The following RNF130 variants were observed in gnomAD, a reference collection of about 807,000 sequenced individuals.
RNF130 encodes ring finger protein 130.
In RNF130, 21 loss-of-function variants were observed where a neutral mutation model predicts 44.6. The observed-to-expected ratio is 0.47, with a 90% CI of 0.33 to 0.68. The LOEUF is 0.68. RNF130 is among the 30% of genes least tolerant of loss of function. The pLI, the probability that RNF130 is intolerant of heterozygous loss-of-function variation, is 0.02. For missense variants in RNF130, 479 were observed against 560.6 expected (o/e 0.85, Z 1.47); for synonymous variants, 214 against 210.4 (o/e 1.02, Z -0.15).
intron 8 of RNF130, 78 bp downstream of exon 8, chr5:179,963,393 C>A: frequency 1.8e-6 from 2 of 1,099,552 alleles, no homozygotes; most frequent in Non-Finnish European, 2.7e-6. Context: ...CCAGTTCTCA[C>A]CACCTTCATG....
chr5:179,933,867 T>C (rs1761847890), intron 7 of RNF130: 1 of 783,434 alleles, frequency 1.3e-6, no homozygotes, highest in Non-Finnish European at 2.1e-6. Context: ...TCATGGTCCA[T>C]GTTGCCAGCT....
intron 2 of RNF130, among the ~76,000 whole-genome samples, chr5:180,035,113 T>C (rs1034133618): frequency 2.0e-5 from 3 of 152,184 alleles, no homozygotes; most frequent in African/African-American, 7.2e-5. Context: ...TTGTTCCTCT[T>C]TTTTATAGTT....
rs185960936 is a variant in RNF130, at chr5:179,930,302, C to T, written c.1151-9876G>A. On this transcript the variant is annotated intron_variant, in intron 7 of 7. Coordinates refer to the RNF130 transcript ENST00000522208. ...CGAACTCCTGACCTCGTGATCTGCC[C>T]GCCTTGGCCTCCCAGAGTGCTAGGA... Among the ~76,000 whole-genome samples, 19 of 152,250 alleles carry T rather than the reference C, an allele frequency of 1.2e-4. No homozygotes were observed. In the East Asian group the frequency reaches 3.3e-3, roughly 26 times the overall value.
chr5:180,058,308 T>C (rs1764885952), intron 1 of RNF130, among the ~76,000 whole-genome samples: 1 of 152,198 alleles, frequency 6.6e-6, no homozygotes, highest in African/African-American at 2.4e-5. Flanking sequence ...CAGTGTATGT[T>C]ACAGCTGGTA....
chr5:179,982,484 T>C (rs569214659), intron 3 of RNF130, among the ~76,000 whole-genome samples: 1 of 152,354 alleles, frequency 6.6e-6, no homozygotes. Flanking sequence ...AAACTGGGCA[T>C]ATTATTTTAC....
At position 179,978,378 on chromosome 5, in the gene RNF130, A is replaced by T. The variant is rs551202818; in HGVS notation, c.766-93T>A. The T allele has an allele frequency of 2.0e-5, 17 of 839,516 alleles. 1 individual carries two copies. The highest frequency in any genetic ancestry group is 1.5e-4 in the African/African-American group (9 of 58,578). 52.0% of individuals were successfully genotyped at this position (839,516 alleles called of 1,614,324 possible). A position where few individuals can be genotyped will look rare whatever the true frequency, so the allele number is the denominator to read the frequency against. Reference sequence around the variant, plus strand: ...AGCTCAGAATCTTTCTGTGGCTACTATGGTAAGCAAGTGTTATAAACTGAA... The same window carrying T: ...AGCTCAGAATCTTTCTGTGGCTACTTTGGTAAGCAAGTGTTATAAACTGAA... On this transcript the variant is annotated intron_variant, in intron 4 of 8. Coordinates refer to ENST00000521389, the MANE Select transcript of RNF130 (RefSeq NM_018434.6).
At chr5:179,923,835 C>T (rs1761666887) in intron 7 of RNF130, among the ~76,000 whole-genome samples, 1 of 152,204 alleles carries the variant, frequency 6.6e-6, no homozygotes, top group Non-Finnish European at 1.5e-5. Context: ...TTTAACAACA[C>T]TAACACCATA....
In RNF130 at chr5:179,945,976, T is replaced by C. The variant is rs913766471; in HGVS notation, c.1150+20830A>G. Among the ~76,000 whole-genome samples the C allele has an allele frequency of 5.8e-4, 88 of 152,328 alleles. 1 individual carries two copies. Among genetic ancestry groups the C allele is most frequent in the Non-Finnish European group, 2.2e-4 (15 of 68,030 alleles). Reference sequence around the variant, plus strand: ...CTGCCTATCACTCCCCACGGCCGCATCTGCCCAGCTGTGAGTGACAGAAGC... The same window carrying C: ...CTGCCTATCACTCCCCACGGCCGCACCTGCCCAGCTGTGAGTGACAGAAGC... On this transcript the variant is annotated intron_variant, in intron 7 of 7. Coordinates refer to the RNF130 transcript ENST00000522208.
At chr5:179,914,718 A>G (rs531421529) in exon 8 of RNF130, 1 of 152,386 alleles carries the variant, frequency 6.6e-6, no homozygotes, top group South Asian at 2.1e-4. Context: ...GCAGGACAAG[A>G]TGGTATGTCC....
At chr5:179,918,125 G>A (rs1761579375) in exon 8 of RNF130, 1 of 152,208 alleles carries the variant, frequency 6.6e-6, no homozygotes, top group African/African-American at 2.4e-5. Flanking sequence ...TTCTGTAGCT[G>A]AGCCAGAGAG....
chr5:180,028,179 C>T (rs562038858), intron 2 of RNF130, among the ~76,000 whole-genome samples: 1 of 152,304 alleles, frequency 6.6e-6, no homozygotes, highest in Admixed American at 6.5e-5. Context: ...AACTCCGACT[C>T]GGATGCTGTT....
chr5:179,920,499 A>G, intron 7 of RNF130: 1 of 669,126 alleles, frequency 1.5e-6, no homozygotes, highest in Non-Finnish European at 2.7e-6. Flanking sequence ...AGGAGGAAAC[A>G]ATGCAGATTA....
At chr5:180,018,102 C>T (rs1443693305) in intron 2 of RNF130, among the ~76,000 whole-genome samples, 1 of 152,080 alleles carries the variant, frequency 6.6e-6, no homozygotes, top group Admixed American at 6.6e-5. Context: ...TGAGACCAGC[C>T]TAGCCAATAT....
intron 3 of RNF130, among the ~76,000 whole-genome samples, chr5:179,990,460 C>T (rs1582168372): frequency 6.6e-6 from 1 of 152,278 alleles, no homozygotes; most frequent in South Asian, 2.1e-4. Context: ...GGACCAGGGG[C>T]GTGACCGCTG....
chr5:180,017,819 G>A (rs1315363274), intron 2 of RNF130, among the ~76,000 whole-genome samples: 2 of 152,130 alleles, frequency 1.3e-5, no homozygotes, highest in Admixed American at 1.3e-4. Context: ...GGAATCGGAG[G>A]GTCTAGGTTC....
chr5:179,996,002 T>C (rs1335228977), intron 3 of RNF130, among the ~76,000 whole-genome samples: 2 of 152,236 alleles, frequency 1.3e-5, no homozygotes, highest in Non-Finnish European at 2.9e-5. Context: ...CTGTGAATAA[T>C]ATCACTGGCA....
intron 1 of RNF130, among the ~76,000 whole-genome samples, chr5:180,044,771 A>G (rs895279463): frequency 2.6e-5 from 4 of 151,998 alleles, no homozygotes; most frequent in African/African-American, 9.7e-5. Context: ...GGCGGAGGTT[A>G]CAGTGAGCCA....
exon 8 of RNF130, chr5:179,912,452 A>G (rs538542221): frequency 6.6e-6 from 1 of 152,238 alleles, no homozygotes; most frequent in Non-Finnish European, 1.5e-5. Flanking sequence ...TCTGGTCCCA[A>G]GCCCCAGTCA....
chr5:180,065,646 G>C (rs1178362791), intron 1 of RNF130, among the ~76,000 whole-genome samples: 2 of 151,962 alleles, frequency 1.3e-5, no homozygotes, highest in African/African-American at 2.4e-5. Context: ...TGTAATCCCA[G>C]CTACTCAGGA....
Sources: allele counts gnomAD v4.1 joint callset (sites outside exome capture counted in the v4.1 genomes callset), GRCh38; gene constraint gnomAD v4.1.1; transcripts MANE v1.5; gene names NCBI Gene and HGNC (gene_info 2026-07-23, HGNC 2026-07-21).